Variants in CYP2C18 observed in about 807,000 individuals in gnomAD.
CYP2C18 encodes the protein cytochrome P450 2C18.
Under a neutral mutation model 41.3 loss-of-function variants are expected in CYP2C18, and 38 were observed. The observed-to-expected ratio is 0.92, with a 90% CI of 0.71 to 1.21. CYP2C18 has a LOEUF of 1.21. Among genes scored for constraint, CYP2C18 ranks in the 50% most tolerant of loss-of-function variants. The pLI, the probability that CYP2C18 is intolerant of heterozygous loss-of-function variation, is 0.00. For missense variants in CYP2C18, 635 were observed against 591.4 expected, an observed-to-expected ratio of 1.07 and a Z score of -0.77; for synonymous variants, 236 against 210.0, an observed-to-expected ratio of 1.12 and a Z score of -1.07.
At chr10:94,692,531 G>C (rs1373552491) in intron 3 of CYP2C18, among the ~76,000 whole-genome samples, 1 of 152,170 alleles carries the variant, frequency 6.6e-6, no homozygotes, top group Non-Finnish European at 1.5e-5. Flanking sequence ...ACAGGTGCTG[G>C]AGAGGATGTG....
chr10:94,730,795 A>C (rs11188065), intron 7 of CYP2C18, among the ~76,000 whole-genome samples: 2 of 152,316 alleles, frequency 1.3e-5, no homozygotes, highest in East Asian at 3.9e-4. Context: ...ACTCTTCCAA[A>C]AGGGCCTCTG....
intron 5 of CYP2C18, among the ~76,000 whole-genome samples, chr10:94,717,215 C>T (rs1168417530): frequency 3.9e-5 from 6 of 152,094 alleles, no homozygotes; most frequent in Non-Finnish European, 8.8e-5. Flanking sequence ...TGAATTTCAT[C>T]CTGTCATTAT....
intron 4 of CYP2C18, among the ~76,000 whole-genome samples, chr10:94,704,660 G>A (rs1847305754): frequency 6.6e-6 from 1 of 152,120 alleles, no homozygotes; most frequent in African/African-American, 2.4e-5. Flanking sequence ...CTGGATATCA[G>A]CCAGAGGTGA....
chr10:94,725,217 G>A (rs1037742206), intron 7 of CYP2C18, among the ~76,000 whole-genome samples: 5 of 151,156 alleles, frequency 3.3e-5, no homozygotes, highest in Non-Finnish European at 5.9e-5. Flanking sequence ...TGGGATTAGA[G>A]ATGTGTGCCA....
At chr10:94,701,404 G>A (rs1352843025) in intron 4 of CYP2C18, among the ~76,000 whole-genome samples, 3 of 152,152 alleles carry the variant, frequency 2.0e-5, no homozygotes, top group African/African-American at 4.8e-5. Flanking sequence ...TCACTTATAG[G>A]TGGGAATTGA....
chr10:94,714,897 C>T (rs1235186479), intron 5 of CYP2C18, among the ~76,000 whole-genome samples: 1 of 152,026 alleles, frequency 6.6e-6, no homozygotes, highest in African/African-American at 2.4e-5. Context: ...CCTTCATATC[C>T]CTTGGAAGTT....
chr10:94,717,673 CA>C (rs773066737), intron 5 of CYP2C18, among the ~76,000 whole-genome samples: 3 of 152,038 alleles, frequency 2.0e-5, no homozygotes, highest in Admixed American at 1.3e-4. Flanking sequence ...TATTCTTTAG[CA>C]TTTGGATATC....
At position 94,712,135 on chromosome 10, in the gene CYP2C18, A is replaced by G. The variant is rs1279600100; in HGVS notation, c.819+5175A>G. Among the ~76,000 whole-genome samples the G allele has an allele frequency of 3.4e-5, 5 of 146,560 alleles. No homozygotes were observed. In the East Asian group the frequency reaches 1.0e-3, roughly 29 times the overall value. ...AGTGCTGGGATTACAGGCATGAGCC[A>G]CCTCACCTGGCCTCTTTTTCCAATT... On this transcript the variant is annotated intron_variant, in intron 5 of 8. Coordinates refer to ENST00000285979, the MANE Select transcript of CYP2C18 (RefSeq NM_000772.3).
At chr10:94,684,282 A>G (rs999476547) in intron 1 of CYP2C18, among the ~76,000 whole-genome samples, 3 of 152,094 alleles carry the variant, frequency 2.0e-5, no homozygotes, top group South Asian at 4.1e-4. Context: ...TGTCCAATAG[A>G]ACACCCGAGC....
In CYP2C18 at chr10:94,694,811, G is replaced by T. The variant is rs138083799; in HGVS notation, c.482-106G>T. 2.0e-3 allele frequency: 2,414 copies of T among 1,218,498 alleles called. 6 individuals are homozygous for T. Among genetic ancestry groups the T allele is most frequent in the Non-Finnish European group, 2.3e-3 (2,009 of 875,368 alleles). 75.5% of individuals were successfully genotyped at this position (1,218,498 alleles called of 1,614,324 possible). A position where few individuals can be genotyped will look rare whatever the true frequency, so the allele number is the denominator to read the frequency against. On this transcript the variant is annotated intron_variant, in intron 3 of 8. Coordinates refer to ENST00000285979, the MANE Select transcript of CYP2C18 (RefSeq NM_000772.3). Reference sequence around the variant, plus strand: ...GTTTGTGTTGATAAGAGAATTTCTAGGTAGGTATTGGTTTAGAGTTTCTAA... The same window carrying T: ...GTTTGTGTTGATAAGAGAATTTCTATGTAGGTATTGGTTTAGAGTTTCTAA...
At chr10:94,703,837 G>T (rs752233418) in intron 4 of CYP2C18, among the ~76,000 whole-genome samples, 4 of 152,134 alleles carry the variant, frequency 2.6e-5, no homozygotes, top group Admixed American at 1.3e-4. Context: ...ACCCAGTTTT[G>T]TGCTTGAAAC....
intron 1 of CYP2C18, among the ~76,000 whole-genome samples, chr10:94,687,177 T>C (rs1423473977): frequency 1.3e-5 from 2 of 152,244 alleles, no homozygotes; most frequent in African/African-American, 2.4e-5. Flanking sequence ...ATACTATCTC[T>C]GTTGGATCCA....
At chr10:94,704,780 C>T (rs1847307729) in intron 4 of CYP2C18, among the ~76,000 whole-genome samples, 1 of 152,124 alleles carries the variant, frequency 6.6e-6, no homozygotes, top group Non-Finnish European at 1.5e-5. Context: ...TCCCATTTTC[C>T]AAAGAAACTG....
At chr10:94,720,052 A>G (rs1322364286) in intron 5 of CYP2C18, among the ~76,000 whole-genome samples, 1 of 152,138 alleles carries the variant, frequency 6.6e-6, no homozygotes, top group African/African-American at 2.4e-5. Flanking sequence ...GGTGATATCT[A>G]TATCACCTCT....
rs541553962 is a variant in CYP2C18, at chr10:94,727,492, G to A, written c.1149+2959G>A. Among the ~76,000 whole-genome samples, 471 of 152,132 alleles carry A rather than the reference G, an allele frequency of 3.1e-3. 3 individuals carry two copies. The highest frequency in any genetic ancestry group is 0.011 in the African/African-American group (447 of 41,500). Reference sequence around the variant, plus strand: ...TAGCTGGGTGTAGTGGCATGTGCCTGTAGTCCCAGCTACTTGGGAGGCTGA... The same window carrying A: ...TAGCTGGGTGTAGTGGCATGTGCCTATAGTCCCAGCTACTTGGGAGGCTGA... On this transcript the variant is annotated intron_variant, in intron 7 of 8. Transcript: ENST00000285979.
intron 5 of CYP2C18, among the ~76,000 whole-genome samples, chr10:94,712,193 A>T (rs1343485479): frequency 6.6e-6 from 1 of 150,676 alleles, no homozygotes; most frequent in African/African-American, 2.4e-5. Flanking sequence ...TGGTTGAATC[A>T]ATGGATGTGG....
intron 7 of CYP2C18, among the ~76,000 whole-genome samples, chr10:94,729,504 C>T (rs562086596): frequency 3.4e-4 from 52 of 152,198 alleles, no homozygotes; most frequent in African/African-American, 1.0e-3. Context: ...ACAAAATTTT[C>T]TGCTTCTCCT....
At chr10:94,734,233 C>T (rs1847880582) in intron 8 of CYP2C18, among the ~76,000 whole-genome samples, 1 of 152,014 alleles carries the variant, frequency 6.6e-6, no homozygotes, top group South Asian at 2.1e-4. Context: ...CCTTGATCTC[C>T]CTCCACTCAT....
intron 5 of CYP2C18, among the ~76,000 whole-genome samples, chr10:94,716,437 G>A (rs1004663565): frequency 9.2e-5 from 14 of 152,088 alleles, no homozygotes; most frequent in African/African-American, 3.1e-4. Context: ...ATTTCATTAT[G>A]TACCCAGTAG....
Sources: allele counts gnomAD v4.1 joint callset (sites outside exome capture counted in the v4.1 genomes callset), GRCh38; gene constraint gnomAD v4.1.1; transcripts MANE v1.5; gene names NCBI Gene and HGNC (gene_info 2026-07-23, HGNC 2026-07-21).